Variants in STON2 observed in about 807,000 individuals in gnomAD.
STON2 encodes the protein stonin 2.
In STON2, 29 loss-of-function variants were observed where a neutral mutation model predicts 65.7. The ratio of observed to expected loss-of-function variants is 0.44; its 90% confidence interval spans 0.33 to 0.60. The LOEUF is 0.60. Among genes scored for constraint, STON2 ranks in the 20% least tolerant of loss-of-function variants. STON2 has a pLI of 0.03. For synonymous variants in STON2, 404 were observed against 414.2 expected, an observed-to-expected ratio of 0.98 and a Z score of 0.30; for missense variants, 1,054 against 1,118.1, an observed-to-expected ratio of 0.94 and a Z score of 0.82.
rs1007043193 is a variant in STON2, at chr14:81,267,340, A to T, written c.*1074T>A. ...TAGAGATGCCTTTTCAATCCAATCC[A>T]ATACTGTGATTATCAAACTCTGAAT... On this transcript the variant is annotated 3_prime_UTR_variant, in exon 8 of 8. Transcript: ENST00000614646. 2.4e-5 allele frequency: 24 copies of T among 985,268 alleles called. No individual in the cohort carries two copies. Among genetic ancestry groups the T allele is most frequent in the Non-Finnish European group, 2.9e-5 (24 of 829,916 alleles). The allele number at this position is 985,268 out of a possible 1,614,324, so 61.0% of individuals were successfully genotyped here. A position where few individuals can be genotyped will look rare whatever the true frequency, so the allele number is the denominator to read the frequency against.
chr14:81,284,900 C>G (rs1347102526), intron 5 of STON2, among the ~76,000 whole-genome samples: 9 of 152,224 alleles, frequency 5.9e-5, no homozygotes. Flanking sequence ...TGCCTGTGCT[C>G]TGTCAATGGA....
At chr14:81,372,507 G>A (rs915616780) in intron 3 of STON2, among the ~76,000 whole-genome samples, 15 of 147,710 alleles carry the variant, frequency 1.0e-4, no homozygotes, top group East Asian at 4.0e-4. Flanking sequence ...GTGAGATCGC[G>A]CCATTGCACT....
intron 5 of STON2, among the ~76,000 whole-genome samples, chr14:81,316,068 T>C (rs531312076): frequency 2.4e-4 from 36 of 152,334 alleles, no homozygotes; most frequent in African/African-American, 7.2e-4. Flanking sequence ...TCATGCCTCC[T>C]ACAAAACATT....
At chr14:81,409,127 G>C (rs1901022298) in intron 2 of STON2, among the ~76,000 whole-genome samples, 1 of 152,064 alleles carries the variant, frequency 6.6e-6, no homozygotes, top group Non-Finnish European at 1.5e-5. Flanking sequence ...TTTTAAGGCT[G>C]GGCACAGTGG....
Position 81,261,493 on chromosome 14 carries a change from T to C in STON2, c.*6921A>G. On this transcript the variant is annotated 3_prime_UTR_variant, in exon 8 of 8. Coordinates refer to ENST00000614646, the MANE Select transcript of STON2 (RefSeq NM_001394390.1). ...ATGCTATTTTGTAGCTTGTACATAG[T>C]TTAAAATTTTTTTAACTACAATTTG... 1 of 243,148 alleles carries C rather than the reference T, an allele frequency of 4.1e-6. No homozygotes were observed. Among genetic ancestry groups the C allele is most frequent in the East Asian group, 7.7e-5 (1 of 12,918 alleles). The allele number at this position is 243,148 out of a possible 1,614,324, so 15.1% of individuals were successfully genotyped here.
intron 4 of STON2, among the ~76,000 whole-genome samples, chr14:81,356,806 G>A (rs372762890): frequency 2.0e-5 from 3 of 151,990 alleles, no homozygotes; most frequent in African/African-American, 7.3e-5. Context: ...AGAGGTGTTT[G>A]TAGTATTCTC....
intron 5 of STON2, among the ~76,000 whole-genome samples, chr14:81,291,468 G>A (rs1193276710): frequency 6.6e-6 from 1 of 152,134 alleles, no homozygotes; most frequent in Non-Finnish European, 1.5e-5. Flanking sequence ...CGTTTTAGCA[G>A]TCTAGACAAG....
intron 5 of STON2, among the ~76,000 whole-genome samples, chr14:81,307,174 CAGAA>C (rs917716514): frequency 1.9e-4 from 29 of 152,318 alleles, no homozygotes; most frequent in African/African-American, 7.0e-4. Context: ...AAAAAACACA[CAGAA>C]AGAAATTACA....
chr14:81,351,370 G>A (rs1397499458), intron 4 of STON2, among the ~76,000 whole-genome samples: 2 of 151,998 alleles, frequency 1.3e-5, no homozygotes, highest in Non-Finnish European at 1.5e-5. Flanking sequence ...AGTTTGGTAG[G>A]GAGATAACAT....
intron 4 of STON2, among the ~76,000 whole-genome samples, chr14:81,361,416 TA>T (rs1898488340): frequency 6.6e-6 from 1 of 152,122 alleles, no homozygotes; most frequent in East Asian, 1.9e-4. Flanking sequence ...ATCTCTTCAA[TA>T]AATGGTGTTG....
chr14:81,270,086 A>G lies in STON2; in HGVS notation c.2784+584T>C, dbSNP rs1037158721. 3.1e-6 allele frequency: 3 copies of G among 972,026 alleles called. No homozygotes were observed. In the Admixed American group the frequency reaches 1.8e-4, roughly 60 times the overall value. The allele number at this position is 972,026 out of a possible 1,614,324, so 60.2% of individuals were successfully genotyped here. A position where few individuals can be genotyped will look rare whatever the true frequency, so the allele number is the denominator to read the frequency against. ...TGAATAATAACAATTCCTTTACCCC[A>G]TTACTCTTTTTCTTTTTTTGAGACA... On this transcript the variant is annotated intron_variant, in intron 7 of 7. Transcript: ENST00000614646.
At chr14:81,269,628 T>C in intron 7 of STON2, 1 of 985,374 alleles carries the variant, frequency 1.0e-6, no homozygotes. Context: ...GTTTGTTCCT[T>C]TTGGTAGTTA....
intron 6 of STON2, among the ~76,000 whole-genome samples, chr14:81,275,318 A>G (rs1389706731): frequency 2.0e-5 from 3 of 152,162 alleles, no homozygotes; most frequent in Admixed American, 6.5e-5. Flanking sequence ...GTGATATATT[A>G]AGAAAAGGAC....
chr14:81,264,137 A>G lies in STON2; in HGVS notation c.*4277T>C. Reference sequence around the variant, plus strand: ...ACTTGCAGGAACAAAGCAATCAATCACCGTGACTATGGACAGCATCTATGC... The same window carrying G: ...ACTTGCAGGAACAAAGCAATCAATCGCCGTGACTATGGACAGCATCTATGC... On this transcript the variant is annotated 3_prime_UTR_variant, in exon 8 of 8. Transcript: ENST00000614646. The G allele has an allele frequency of 3.0e-6, 3 of 985,420 alleles. No homozygotes were observed. Among genetic ancestry groups the G allele is most frequent in the Non-Finnish European group, 3.6e-6 (3 of 829,928 alleles). 61.0% of individuals were successfully genotyped at this position (985,420 alleles called of 1,614,324 possible).
At chr14:81,285,601 T>C (rs1895301393) in intron 5 of STON2, among the ~76,000 whole-genome samples, 1 of 152,198 alleles carries the variant, frequency 6.6e-6, no homozygotes, top group African/African-American at 2.4e-5. Context: ...AAAACTTTAA[T>C]GGATGAGGAG....
At chr14:81,280,255 C>T (rs981243881) in intron 5 of STON2, among the ~76,000 whole-genome samples, 5 of 152,092 alleles carry the variant, frequency 3.3e-5, no homozygotes, top group African/African-American at 1.2e-4. Context: ...ACCTAAGGAC[C>T]GTGGGTATCT....
At chr14:81,401,248 G>C (rs987927454), upstream of STON2, among the ~76,000 whole-genome samples, 6 of 152,148 alleles carry the variant, frequency 3.9e-5, no homozygotes, top group African/African-American at 1.4e-4. Context: ...TATAGATATA[G>C]GTGCATTCTG....
At chr14:81,373,776 C>T (rs140993477) in intron 3 of STON2, among the ~76,000 whole-genome samples, 3 of 152,224 alleles carry the variant, frequency 2.0e-5, no homozygotes, top group East Asian at 1.9e-4. Context: ...AAATAACCTC[C>T]ACCCTTAGCT....
chr14:81,394,833 T>G (rs1900237447), intron 3 of STON2: 1 of 152,164 alleles, frequency 6.6e-6, no homozygotes, highest in South Asian at 2.1e-4. Context: ...GCCAACACCT[T>G]GATTTTGACC....
Sources: gnomAD v4.1 joint callset for allele counts (sites outside exome capture counted in the v4.1 genomes callset) on GRCh38, gnomAD v4.1.1 for gene constraint, MANE v1.5 for transcripts, NCBI Gene and HGNC (gene_info 2026-07-23, HGNC 2026-07-21) for gene names.